ZNF367: variants seen among roughly 807,000 people sequenced by gnomAD.
ZNF367 encodes zinc finger protein 367, also known as C2H2 zinc finger protein ZFF29.
Under a neutral mutation model 31.8 loss-of-function variants are expected in ZNF367, and 11 were observed. That is an observed-to-expected ratio of 0.35 (90% CI 0.22 to 0.57). The LOEUF (loss-of-function observed/expected upper bound fraction) is 0.57, where lower values mean the gene tolerates loss of function less well. Among genes scored for constraint, ZNF367 ranks in the 20% least tolerant of loss-of-function variants. The pLI, the probability that ZNF367 is intolerant of heterozygous loss-of-function variation, is 0.85. For synonymous variants in ZNF367, 199 were observed against 202.4 expected (o/e 0.98, Z 0.14); for missense variants, 353 against 484.1 (o/e 0.73, Z 2.54).
intron 4 of ZNF367, among the ~76,000 whole-genome samples, chr9:96,389,615 T>C (rs955475789): frequency 6.6e-6 from 1 of 152,224 alleles, no homozygotes; most frequent in Admixed American, 6.5e-5. Context: ...TGTCACAGTA[T>C]ATACATGTCA....
chr9:96,414,745 G>A (rs182712067), intron 1 of ZNF367, among the ~76,000 whole-genome samples: 2 of 152,248 alleles, frequency 1.3e-5, no homozygotes, highest in East Asian at 3.9e-4. Flanking sequence ...CAAAGTGCTG[G>A]GATTACAGGC....
chr9:96,406,381 A>G (rs946593154), intron 1 of ZNF367, among the ~76,000 whole-genome samples: 3 of 152,244 alleles, frequency 2.0e-5, no homozygotes, highest in Non-Finnish European at 4.4e-5. Flanking sequence ...GAAAAGTTCA[A>G]TCCCTACATG....
At chr9:96,392,354 C>A in intron 4 of ZNF367, 44 bp downstream of exon 4, 1 of 1,613,560 alleles carries the variant, frequency 6.2e-7, no homozygotes, top group Non-Finnish European at 8.5e-7. Context: ...AGCCCCAGCC[C>A]GCGCTGTGCA....
chr9:96,418,141 G>A lies in ZNF367; in HGVS notation c.-109C>T. On this transcript the variant is annotated 5_prime_UTR_variant, in exon 1 of 5. Transcript: ENST00000375256. ...GCAGGCTCAGTCCTGCCGGCTCATG[G>A]CAGACTGACGTTTCCCGGAATCCTG... 7.9e-7 allele frequency: 1 copy of A among 1,258,832 alleles called. No individual in the cohort carries two copies. Among genetic ancestry groups the A allele is most frequent in the Non-Finnish European group, 1.0e-6 (1 of 999,306 alleles). 78.0% of individuals were successfully genotyped at this position (1,258,832 alleles called of 1,614,324 possible). A position where few individuals can be genotyped will look rare whatever the true frequency, so the allele number is the denominator to read the frequency against.
At chr9:96,388,638 T>TTAAGAGAC (rs767862481) in intron 4 of ZNF367, among the ~76,000 whole-genome samples, 179 bp from the exon 5 acceptor site, 3 of 152,200 alleles carry the variant, frequency 2.0e-5, no homozygotes, top group Non-Finnish European at 4.4e-5. Flanking sequence ...TTCAACGAGG[T>TTAAGAGAC]TAAGAGACGT....
intron 1 of ZNF367, among the ~76,000 whole-genome samples, chr9:96,405,996 G>C (rs1831667089): frequency 6.6e-6 from 1 of 152,162 alleles, no homozygotes; most frequent in South Asian, 2.1e-4. Context: ...TAATACTAGT[G>C]CATCAACATT....
chr9:96,403,815 A>G (rs1831638869), intron 1 of ZNF367, among the ~76,000 whole-genome samples: 1 of 152,234 alleles, frequency 6.6e-6, no homozygotes, highest in Non-Finnish European at 1.5e-5. Flanking sequence ...TCCATATACA[A>G]AAGGATAAAG....
intron 1 of ZNF367, among the ~76,000 whole-genome samples, chr9:96,413,427 G>C (rs369260984): frequency 7.2e-5 from 11 of 152,048 alleles, no homozygotes; most frequent in African/African-American, 2.7e-4. Flanking sequence ...TCAGCTATTC[G>C]TAACAGTATG....
At position 96,387,821 on chromosome 9, in the gene ZNF367, TAC is replaced by T. The variant is rs1241506555; in HGVS notation, c.*414_*415del. 6.3e-6 allele frequency: 1 copy of T among 159,820 alleles called. No individual in the cohort carries two copies. The allele number at this position is 159,820 out of a possible 1,614,324, so 9.9% of individuals were successfully genotyped here. A position where few individuals can be genotyped will look rare whatever the true frequency, so the allele number is the denominator to read the frequency against. On this transcript the variant is annotated 3_prime_UTR_variant, in exon 5 of 5. Transcript: ENST00000375256. ...TCAGTGTTTACAGTATTGTTAAACA[TAC>T]TAATATATATTGTTAAAAATGATCT...
chr9:96,407,186 C>T (rs552414997), intron 1 of ZNF367: 9 of 690,694 alleles, frequency 1.3e-5, no homozygotes, highest in African/African-American at 3.6e-5. Flanking sequence ...TTTCCTGTCC[C>T]GGCCTGCGTG....
Position 96,418,165 on chromosome 9 carries a change from T to G in ZNF367, c.-133A>C. The G allele has an allele frequency of 2.4e-6, 3 of 1,236,116 alleles. No individual in the cohort carries two copies. Among genetic ancestry groups the G allele is most frequent in the South Asian group, 6.0e-5 (2 of 33,592 alleles). The allele number at this position is 1,236,116 out of a possible 1,614,324, so 76.6% of individuals were successfully genotyped here. The stretch of plus-strand genomic sequence containing the variant: ...GGCAGACTGACGTTTCCCGGAATCC[T>G]GCGCAGCAGCCACCTAACTAGTTGA... On this transcript the variant is annotated 5_prime_UTR_variant, in exon 1 of 5. Transcript: ENST00000375256.
At chr9:96,410,339 A>G (rs1364991002) in intron 1 of ZNF367, among the ~76,000 whole-genome samples, 1 of 151,506 alleles carries the variant, frequency 6.6e-6, no homozygotes, top group Non-Finnish European at 1.5e-5. Flanking sequence ...AGGCGGGTGG[A>G]TCACGCGGTC....
intron 1 of ZNF367, among the ~76,000 whole-genome samples, chr9:96,412,789 G>T (rs756256319): frequency 1.3e-5 from 2 of 148,272 alleles, no homozygotes; most frequent in African/African-American, 5.0e-5. Flanking sequence ...TCTGCCTCCC[G>T]GGTTCATGTG....
intron 1 of ZNF367, among the ~76,000 whole-genome samples, chr9:96,401,597 C>G (rs571473311): frequency 1.7e-4 from 24 of 141,654 alleles, no homozygotes; most frequent in African/African-American, 6.2e-4. Context: ...GCAGAGGTTG[C>G]GGTGAGCCAA....
intron 4 of ZNF367, among the ~76,000 whole-genome samples, chr9:96,389,148 A>C (rs7035328): frequency 0.24 from 36,978 of 151,764 alleles, 6,309 homozygotes; most frequent in African/African-American, 0.49. Context: ...AAATACAAAA[A>C]AATTTGCCGG....
At chr9:96,400,407 AAAAAAGGAAAAG>A (rs1831587283) in intron 1 of ZNF367, among the ~76,000 whole-genome samples, 1 of 151,040 alleles carries the variant, frequency 6.6e-6, no homozygotes, top group South Asian at 2.1e-4. Context: ...AAAAAAAAAA[AAAAAAGGAAAAG>A]AAAAAGGAAA....
chr9:96,394,308 G>C (rs1032879458), intron 3 of ZNF367, among the ~76,000 whole-genome samples: 1 of 152,186 alleles, frequency 6.6e-6, no homozygotes, highest in African/African-American at 2.4e-5. Context: ...CGTGGAGATA[G>C]ACAGTAGAAC....
At chr9:96,414,693 G>A (rs1831795148) in intron 1 of ZNF367, among the ~76,000 whole-genome samples, 1 of 152,290 alleles carries the variant, frequency 6.6e-6, no homozygotes, top group African/African-American at 2.4e-5. Context: ...GGCCAGGATG[G>A]TCTCGATCTC....
At chr9:96,403,576 C>T (rs1235369774) in intron 1 of ZNF367, among the ~76,000 whole-genome samples, 1 of 151,620 alleles carries the variant, frequency 6.6e-6, no homozygotes, top group Non-Finnish European at 1.5e-5. Context: ...AAAAAGAGAA[C>T]AAAACAGGAG....
Sources: gnomAD v4.1 joint callset for allele counts (sites outside exome capture counted in the v4.1 genomes callset) on GRCh38, gnomAD v4.1.1 for gene constraint, MANE v1.5 for transcripts, NCBI Gene and HGNC (gene_info 2026-07-23, HGNC 2026-07-21) for gene names.